Variants in ANXA8 observed in about 807,000 individuals in gnomAD.
ANXA8 encodes VAC-beta.
ANXA8 carries 9 observed loss-of-function variants against 26.8 expected under a neutral mutation model. The observed-to-expected ratio is 0.34, with a 90% confidence interval of 0.20 to 0.59. The LOEUF is 0.59. Ranked by LOEUF, ANXA8 falls within the 20% of genes least tolerant of loss-of-function variation. The probability of loss-of-function intolerance (pLI) is 0.84; values close to 1 mark genes in which losing one functional copy is unlikely to be tolerated. For synonymous variants in ANXA8, 39 were observed against 94.8 expected, an observed-to-expected ratio of 0.41 and a Z score of 3.42; for missense variants, 83 against 238.5, an observed-to-expected ratio of 0.35 and a Z score of 4.29.
At chr10:47,556,057 C>T in the ANXA8 span, among the ~76,000 whole-genome samples, 1 of 152,042 alleles carries the variant, frequency 6.6e-6, no homozygotes, top group South Asian at 2.1e-4. Flanking sequence ...TACAAAATTT[C>T]TAGCCTGAGA....
At chr10:47,639,908 G>A in the ANXA8 span, among the ~76,000 whole-genome samples, 6 of 145,322 alleles carry the variant, frequency 4.1e-5, no homozygotes, top group Non-Finnish European at 9.0e-5. Flanking sequence ...CTCCCGAGTA[G>A]CTGGGACTAC....
the ANXA8 span, among the ~76,000 whole-genome samples, chr10:47,722,403 C>T: frequency 7.6e-6 from 1 of 131,640 alleles, no homozygotes; most frequent in African/African-American, 2.8e-5. Context: ...TTTTTCTGTA[C>T]TGGAAGCAAA....
chr10:47,491,840 G>A, the ANXA8 span: 1 of 631,144 alleles, frequency 1.6e-6, no homozygotes, highest in Non-Finnish European at 2.8e-6. Flanking sequence ...AAGGGGCTGG[G>A]CGGAGCCACC....
At chr10:47,918,411 AAGAAAGAAAGAAAGAAAGAAAG>A in the ANXA8 span, among the ~76,000 whole-genome samples, 1 of 30,096 alleles carries the variant, frequency 3.3e-5, no homozygotes, top group African/African-American at 2.2e-4. Context: ...GAAAGAAAGA[AAGAAAGAAAGAAAGAAAGAAAG>A]AGAGAGAGAA....
the ANXA8 span, among the ~76,000 whole-genome samples, chr10:47,686,741 A>G: frequency 1.3e-5 from 2 of 152,050 alleles, no homozygotes; most frequent in Non-Finnish European, 2.9e-5. Context: ...ATGTTTCAGA[A>G]AAGAGGGATT....
chr10:47,895,056 ACACCATACT>A, the ANXA8 span, among the ~76,000 whole-genome samples: 2 of 152,126 alleles, frequency 1.3e-5, no homozygotes, highest in South Asian at 4.2e-4. Flanking sequence ...CACCGCACAT[ACACCATACT>A]CACATGTGCC....
At chr10:47,516,201 GA>G in the ANXA8 span, among the ~76,000 whole-genome samples, 1 of 70,780 alleles carries the variant, frequency 1.4e-5, no homozygotes, top group South Asian at 5.1e-4. Flanking sequence ...AAGTAACAGA[GA>G]AAATAAAAAA....
At chr10:47,495,798 A>G in the ANXA8 span, among the ~76,000 whole-genome samples, 3 of 151,066 alleles carry the variant, frequency 2.0e-5, no homozygotes, top group Non-Finnish European at 4.4e-5. Context: ...CCAACGCAGG[A>G]AGCCAGGGAA....
chr10:47,543,804 G>A, the ANXA8 span: 1,247 of 199,856 alleles, frequency 6.2e-3, 27 homozygotes, highest in Non-Finnish European at 8.7e-3. Context: ...AGGAAGCACC[G>A]TTCACCATCC....
At chr10:47,714,112 G>A in the ANXA8 span, among the ~76,000 whole-genome samples, 6 of 74,774 alleles carry the variant, frequency 8.0e-5, no homozygotes, top group East Asian at 2.6e-3. Context: ...CTGGTTGTCC[G>A]CTAAAATGTT....
chr10:47,588,684 G>T, the ANXA8 span: 1 of 146,608 alleles, frequency 6.8e-6, no homozygotes, highest in African/African-American at 2.7e-5. Context: ...GTAAACATTT[G>T]CTTATAGTAA....
At chr10:47,940,639 C>A in the ANXA8 span, among the ~76,000 whole-genome samples, 128 of 147,858 alleles carry the variant, frequency 8.7e-4, no homozygotes, top group African/African-American at 3.1e-3. Flanking sequence ...ACCTGCCTGG[C>A]CAACATGGTG....
chr10:47,559,142 CTTTTT>C, the ANXA8 span, among the ~76,000 whole-genome samples: 70 of 73,280 alleles, frequency 9.6e-4, no homozygotes, highest in South Asian at 1.8e-3. Context: ...TGGAGTCTTA[CTTTTT>C]TTTTTTTTTT....
chr10:47,647,725 G>A, the ANXA8 span, among the ~76,000 whole-genome samples: 773 of 150,614 alleles, frequency 5.1e-3, 22 homozygotes, highest in African/African-American at 0.018. Context: ...TATATATTGC[G>A]AAATCTAAAA....
chr10:47,486,100 T>C (rs1588937230), upstream of ANXA8, among the ~76,000 whole-genome samples: 1 of 145,656 alleles, frequency 6.9e-6, no homozygotes, highest in East Asian at 2.4e-4. Context: ...AGAGTGAAAC[T>C]CCGTCTTTAA....
chr10:47,564,498 G>C, the ANXA8 span: 1 of 1,012,488 alleles, frequency 9.9e-7, no homozygotes, highest in African/African-American at 1.8e-5. Context: ...GGAGGCCACT[G>C]AGCCACAGGA....
chr10:47,567,815 G>A, the ANXA8 span: 2 of 254,896 alleles, frequency 7.8e-6, no homozygotes, highest in Non-Finnish European at 1.5e-5. Context: ...TTGAGAAAAC[G>A]ATGGTAGGTT....
the ANXA8 span, among the ~76,000 whole-genome samples, chr10:47,666,559 T>A: frequency 6.6e-6 from 1 of 151,920 alleles, no homozygotes; most frequent in East Asian, 1.9e-4. Flanking sequence ...GTGCAAGTAA[T>A]GTTCCTTCTT....
chr10:47,960,631 A>G, the ANXA8 span, among the ~76,000 whole-genome samples: 1 of 149,576 alleles, frequency 6.7e-6, no homozygotes, highest in Non-Finnish European at 1.5e-5. Flanking sequence ...AAATATACAA[A>G]TTATAATTAT....
Sources: allele counts gnomAD v4.1 joint callset (sites outside exome capture counted in the v4.1 genomes callset), GRCh38; gene constraint gnomAD v4.1.1; transcripts MANE v1.5; gene names NCBI Gene and HGNC (gene_info 2026-07-23, HGNC 2026-07-21).